SLC12A1: variants seen among roughly 807,000 people sequenced by gnomAD.
SLC12A1 encodes solute carrier family 12 member 1, also known as Na-K-2Cl cotransporter.
Under a neutral mutation model 130.4 loss-of-function variants are expected in SLC12A1, and 89 were observed. The ratio of observed to expected loss-of-function variants is 0.68; its 90% CI spans 0.58 to 0.81. The LOEUF (loss-of-function observed/expected upper bound fraction) is 0.81, where lower values mean the gene tolerates loss of function less well. Among genes scored for constraint, SLC12A1 ranks in the 40% least tolerant of loss-of-function variants. The pLI is 0.00. For synonymous variants in SLC12A1, 499 were observed against 460.0 expected, an observed-to-expected ratio of 1.08 and a Z score of -1.09; for missense variants, 1,310 against 1,336.4, an observed-to-expected ratio of 0.98 and a Z score of 0.31.
At chr15:48,282,741 A>G (rs928659947) in intron 20 of SLC12A1, among the ~76,000 whole-genome samples, 1 of 152,184 alleles carries the variant, frequency 6.6e-6, no homozygotes, top group African/African-American at 2.4e-5. Flanking sequence ...TGGATGGGCC[A>G]TCATTTTGGG....
chr15:48,250,618 A>T (rs2041635871), intron 14 of SLC12A1, among the ~76,000 whole-genome samples: 1 of 152,010 alleles, frequency 6.6e-6, no homozygotes, highest in African/African-American at 2.4e-5. Flanking sequence ...AGACAGGAAA[A>T]TATAGAACAG....
chr15:48,288,271 A>T (rs2141114921), intron 22 of SLC12A1, 97 bp downstream of exon 22: 1 of 1,281,004 alleles, frequency 7.8e-7, no homozygotes, highest in Middle Eastern at 2.0e-4. Flanking sequence ...TGGTTAAAGA[A>T]TAACATTTCT....
At chr15:48,283,156 T>C (rs946162629) in intron 20 of SLC12A1, among the ~76,000 whole-genome samples, 2 of 152,206 alleles carry the variant, frequency 1.3e-5, no homozygotes, top group African/African-American at 2.4e-5. Flanking sequence ...TGCATAAATA[T>C]ACTGCCTATA....
rs141106709 is a variant in SLC12A1, at chr15:48,226,555, C to T, written c.708C>T (p.Asn236=). ...TGTCAACTTCTGCGATAGCAACTAA[C>T]GGGTTTGTTCGTGGAGGTAAAATCT... The part of the protein sequence containing the change: ...TGLSTSAIAT[N]GFVRGGGAYY... The change falls in exon 5 of 27, where the codon AAC becomes AAT. Residue 236 remains asparagine (N), a synonymous_variant. Coordinates refer to ENST00000380993, the MANE Select transcript of SLC12A1 (RefSeq NM_000338.3). 4.7e-4 allele frequency: 750 copies of T among 1,606,322 alleles called. 2 individuals are homozygous for T. In the East Asian group the frequency reaches 6.8e-3, roughly 15 times the overall value.
chr15:48,213,256 A>G (rs776098852), intron 2 of SLC12A1, among the ~76,000 whole-genome samples: 5 of 152,144 alleles, frequency 3.3e-5, no homozygotes, highest in Non-Finnish European at 4.4e-5. Flanking sequence ...CAACAGCTGT[A>G]GAGAATGGTG....
chr15:48,295,126 T>A (rs1296475731), intron 24 of SLC12A1, among the ~76,000 whole-genome samples: 11 of 149,856 alleles, frequency 7.3e-5, no homozygotes, highest in African/African-American at 2.7e-4. Flanking sequence ...CCCTGACTGG[T>A]CTCAAACCCC....
chr15:48,274,314 C>A (rs1041076107), intron 19 of SLC12A1, among the ~76,000 whole-genome samples: 1 of 152,130 alleles, frequency 6.6e-6, no homozygotes, highest in African/African-American at 2.4e-5. Context: ...AGCTCTTAAT[C>A]AAAATTCTGA....
At chr15:48,213,417 AC>A (rs967590686) in intron 2 of SLC12A1, among the ~76,000 whole-genome samples, 2 of 152,112 alleles carry the variant, frequency 1.3e-5, no homozygotes, top group Admixed American at 6.5e-5. Context: ...TTTCATTGTC[AC>A]CATCAAAAGC....
intron 2 of SLC12A1, among the ~76,000 whole-genome samples, chr15:48,215,295 T>C (rs1431154886): frequency 6.6e-6 from 1 of 152,186 alleles, no homozygotes; most frequent in Non-Finnish European, 1.5e-5. Flanking sequence ...GTTGTCAAAA[T>C]TGGAGTGGGG....
intron 9 of SLC12A1, among the ~76,000 whole-genome samples, chr15:48,236,012 T>C (rs2041435438): frequency 6.6e-6 from 1 of 152,020 alleles, no homozygotes; most frequent in Non-Finnish European, 1.5e-5. Flanking sequence ...GGCAGCCACA[T>C]GCCCAGATAA....
chr15:48,229,571 G>A (rs575561264), intron 6 of SLC12A1, among the ~76,000 whole-genome samples: 1 of 152,142 alleles, frequency 6.6e-6, no homozygotes, highest in African/African-American at 2.4e-5. Context: ...TATAATATGG[G>A]CTAATAATAC....
chr15:48,206,903 A>G (rs897804657), intron 1 of SLC12A1, among the ~76,000 whole-genome samples: 4 of 152,174 alleles, frequency 2.6e-5, no homozygotes, highest in Non-Finnish European at 5.9e-5. Flanking sequence ...AAACAAATGT[A>G]TGAGCAAATG....
In SLC12A1 at chr15:48,267,598, G is replaced by A; in HGVS notation, c.2192G>A (p.Gly731Asp). 6 of 1,613,530 alleles carry A rather than the reference G, an allele frequency of 3.7e-6. No individual in the cohort carries two copies. The highest frequency in any genetic ancestry group is 5.1e-6 in the Non-Finnish European group (6 of 1,179,574). ...RKLCVKEMNS[G>D]MAKKQAWLIK... ...CTGTGTGTTAAGGAGATGAACAGTG[G>A]CATGGCGAAAAAACAGGCCTGGCTT... The change falls in exon 18 of 27, where the codon GGC (glycine) becomes GAC (aspartate). Residue 731 changes from glycine to aspartate, a missense_variant. By Grantham distance (94) the Gly-to-Asp change is moderately conservative (BLOSUM62 -1). Coordinates refer to ENST00000380993, the MANE Select transcript of SLC12A1 (RefSeq NM_000338.3).
At chr15:48,265,842 A>G (rs935826912) in intron 17 of SLC12A1, among the ~76,000 whole-genome samples, 1 of 152,210 alleles carries the variant, frequency 6.6e-6, no homozygotes, top group Admixed American at 6.6e-5. Flanking sequence ...TGTGCCATAT[A>G]TGTAATTTAA....
intron 24 of SLC12A1, 80 bp downstream of exon 24, chr15:48,291,944 A>T: frequency 1.1e-6 from 1 of 933,606 alleles, no homozygotes; most frequent in South Asian, 1.5e-5. Flanking sequence ...AAACAGTAAA[A>T]ATGTTATGTA....
At chr15:48,226,604 A>C (rs2041291147) in intron 5 of SLC12A1, 33 bp downstream of exon 5, 2 of 1,335,882 alleles carry the variant, frequency 1.5e-6, no homozygotes, top group Admixed American at 1.7e-5. Context: ...TGCCCTCATC[A>C]CTTGCTACGG....
chr15:48,233,718 C>CTTCCTGATTCCT (rs2041406263), intron 8 of SLC12A1, among the ~76,000 whole-genome samples: 1 of 152,144 alleles, frequency 6.6e-6, no homozygotes, highest in Non-Finnish European at 1.5e-5. Context: ...TCACATACCT[C>CTTCCTGATTCCT]TTTCTTCCTG....
chr15:48,282,558 A>G (rs960084260), intron 20 of SLC12A1, among the ~76,000 whole-genome samples: 6 of 152,176 alleles, frequency 3.9e-5, no homozygotes, highest in Admixed American at 2.0e-4. Flanking sequence ...AGAGGACTGC[A>G]AAGAGCAGGT....
chr15:48,256,030 T>C, intron 16 of SLC12A1, 120 bp downstream of exon 16: 3 of 694,306 alleles, frequency 4.3e-6, no homozygotes, highest in Admixed American at 4.4e-5. Flanking sequence ...AAATAAGCAG[T>C]CATACAAAAC....
Sources: allele counts gnomAD v4.1 joint callset (sites outside exome capture counted in the v4.1 genomes callset), GRCh38; gene constraint gnomAD v4.1.1; transcripts MANE v1.5; gene names NCBI Gene and HGNC (gene_info 2026-07-23, HGNC 2026-07-21).